The following NEK10 variants were observed in gnomAD, a reference collection of about 807,000 sequenced individuals.
The protein encoded by NEK10 is NIMA related kinase 10, also known as serine/threonine-protein kinase Nek10.
NEK10 carries 122 observed loss-of-function variants against 159.8 expected under a neutral mutation model. The observed-to-expected ratio is 0.76, with a 90% CI of 0.66 to 0.89. NEK10 has a LOEUF of 0.89. NEK10 is among the 40% of genes least tolerant of loss of function. The pLI, the probability that NEK10 is intolerant of heterozygous loss-of-function variation, is 0.00. For missense variants in NEK10, 1,342 were observed against 1,323.1 expected (o/e 1.01, Z -0.22); for synonymous variants, 466 against 457.1 (o/e 1.02, Z -0.25).
intron 25 of NEK10, among the ~76,000 whole-genome samples, chr3:27,195,361 CA>C (rs1294293946): frequency 6.6e-6 from 1 of 152,090 alleles, no homozygotes; most frequent in Non-Finnish European, 1.5e-5. Context: ...TTTCAGAACT[CA>C]ATTTTTTAAT....
chr3:27,253,855 G>T (rs903326668), intron 23 of NEK10, among the ~76,000 whole-genome samples: 1 of 152,064 alleles, frequency 6.6e-6, no homozygotes. Flanking sequence ...CTAGAATGTC[G>T]GGACCCTAGC....
intron 5 of NEK10, among the ~76,000 whole-genome samples, chr3:27,335,167 C>T (rs2046705453): frequency 6.6e-6 from 1 of 151,754 alleles, no homozygotes; most frequent in South Asian, 2.1e-4. Flanking sequence ...GGTGAAGCTC[C>T]CTCTCTACTA....
intron 32 of NEK10, among the ~76,000 whole-genome samples, chr3:27,123,213 G>A (rs1348785165): frequency 1.3e-5 from 2 of 152,186 alleles, no homozygotes; most frequent in Admixed American, 6.5e-5. Context: ...GCAAAAATAG[G>A]GTGATATCAT....
intron 6 of NEK10, among the ~76,000 whole-genome samples, chr3:27,314,886 C>T (rs1420321277): frequency 6.6e-6 from 1 of 152,160 alleles, no homozygotes; most frequent in Non-Finnish European, 1.5e-5. Flanking sequence ...AACAAGATCT[C>T]CAGGTCATAC....
chr3:27,289,231 T>C (rs1004692192), intron 19 of NEK10, among the ~76,000 whole-genome samples: 1 of 152,216 alleles, frequency 6.6e-6, no homozygotes, highest in Non-Finnish European at 1.5e-5. Context: ...TTGGGATTGT[T>C]CCGTGAAAGA....
rs114675092 is a variant in NEK10, at chr3:27,288,173, T to C, written c.1744-430A>G. On this transcript the variant is annotated intron_variant, in intron 19 of 35. Transcript: ENST00000691995. ...CCTCTCTCTACCATCTAAATATTTATGGAAAGTTTGTGCCTATTTACACTA... is the reference window on the plus strand; with the variant it reads ...CCTCTCTCTACCATCTAAATATTTACGGAAAGTTTGTGCCTATTTACACTA... Among the ~76,000 whole-genome samples the C allele has an allele frequency of 8.9e-3, 1,349 of 152,342 alleles. 24 individuals carry two copies. The highest frequency in any genetic ancestry group is 0.03 in the African/African-American group (1,240 of 41,580).
At chr3:27,252,202 A>C (rs766495585) in intron 23 of NEK10, 1 of 505,366 alleles carries the variant, frequency 2.0e-6, no homozygotes, top group Non-Finnish European at 3.9e-6. Flanking sequence ...ATTCAAGTAC[A>C]ACATAAGGTC....
chr3:27,223,234 A>G (rs560992279), intron 23 of NEK10, among the ~76,000 whole-genome samples: 2 of 152,218 alleles, frequency 1.3e-5, no homozygotes, highest in South Asian at 2.1e-4. Flanking sequence ...TCCTCCATCA[A>G]CGGCTCTTTC....
chr3:27,293,928 A>G (rs1218050465), intron 15 of NEK10, among the ~76,000 whole-genome samples: 1 of 152,272 alleles, frequency 6.6e-6, no homozygotes, highest in Non-Finnish European at 1.5e-5. Context: ...AAATGAGTAC[A>G]GAGACAAGAA....
At chr3:27,291,187 A>G (rs1171984663) in intron 18 of NEK10, 75 bp downstream of exon 18, 2 of 1,363,000 alleles carry the variant, frequency 1.5e-6, no homozygotes, top group Admixed American at 2.2e-5. Context: ...TTCTAATTCA[A>G]TTGAATATCG....
At chr3:27,170,201 G>T (rs1476961129) in intron 29 of NEK10, among the ~76,000 whole-genome samples, 1 of 152,130 alleles carries the variant, frequency 6.6e-6, no homozygotes, top group Non-Finnish European at 1.5e-5. Context: ...TTGTTACACA[G>T]ATGCTGCCAC....
chr3:27,339,870 G>A (rs990188592), intron 5 of NEK10, among the ~76,000 whole-genome samples: 8 of 151,410 alleles, frequency 5.3e-5, no homozygotes, highest in African/African-American at 1.7e-4. Flanking sequence ...AGATGCTGGC[G>A]AGGTTGTGGA....
At chr3:27,125,924 A>G (rs1007137569) in intron 32 of NEK10, among the ~76,000 whole-genome samples, 2 of 152,154 alleles carry the variant, frequency 1.3e-5, no homozygotes, top group Non-Finnish European at 2.9e-5. Flanking sequence ...TCAACACTGA[A>G]GGTGATGTCA....
At chr3:27,361,772 G>A (rs969407262) in intron 1 of NEK10, among the ~76,000 whole-genome samples, 4 of 152,088 alleles carry the variant, frequency 2.6e-5, no homozygotes, top group African/African-American at 4.8e-5. Flanking sequence ...GTTTGGTGGC[G>A]CTGCAAAAAC....
intron 1 of NEK10, among the ~76,000 whole-genome samples, chr3:27,359,906 C>T (rs182921200): frequency 6.6e-6 from 1 of 152,312 alleles, no homozygotes; most frequent in Admixed American, 6.5e-5. Flanking sequence ...CTAAATCTCA[C>T]AAATATACAG....
At chr3:27,308,893 G>T (rs77257134) in intron 10 of NEK10, 33 bp downstream of exon 10, 273,005 of 1,105,434 alleles carry the variant, frequency 0.25, 36,461 homozygotes, top group Middle Eastern at 0.4. Flanking sequence ...TATAGTAGCA[G>T]AACTGGAAAG....
intron 26 of NEK10, among the ~76,000 whole-genome samples, chr3:27,186,262 C>G (rs1302285660): frequency 6.6e-6 from 1 of 152,204 alleles, no homozygotes; most frequent in Non-Finnish European, 1.5e-5. Flanking sequence ...ATTTTGTGCA[C>G]TTCTCCAGAG....
At chr3:27,358,373 G>A (rs372601543) in intron 1 of NEK10, among the ~76,000 whole-genome samples, 6 of 152,144 alleles carry the variant, frequency 3.9e-5, no homozygotes, top group South Asian at 2.1e-4. Context: ...GGTTTGGTGC[G>A]TACAGCCCTA....
intron 31 of NEK10, among the ~76,000 whole-genome samples, chr3:27,133,852 G>A (rs1035869289): frequency 1.3e-5 from 2 of 152,146 alleles, no homozygotes; most frequent in African/African-American, 2.4e-5. Flanking sequence ...GACTCTTCTG[G>A]AGATACTGAA....
Sources: allele counts gnomAD v4.1 joint callset (sites outside exome capture counted in the v4.1 genomes callset), GRCh38; gene constraint gnomAD v4.1.1; transcripts MANE v1.5; gene names NCBI Gene and HGNC (gene_info 2026-07-23, HGNC 2026-07-21).